The following PCDHGA6 variants were observed in gnomAD, a reference collection of about 807,000 sequenced individuals.
PCDHGA6 encodes protocadherin gamma-A6.
PCDHGA6 carries 41 observed loss-of-function variants against 60.6 expected under a neutral mutation model. That is an observed-to-expected ratio of 0.68 (90% confidence interval 0.53 to 0.88). The LOEUF (loss-of-function observed/expected upper bound fraction) is 0.88, where lower values mean the gene tolerates loss of function less well. Among genes scored for constraint, PCDHGA6 ranks in the 40% least tolerant of loss-of-function variants. The probability of loss-of-function intolerance (pLI) is 0.00; values close to 1 mark genes in which losing one functional copy is unlikely to be tolerated. For missense variants in PCDHGA6, 1,312 were observed against 1,203.0 expected, an observed-to-expected ratio of 1.09 and a Z score of -1.34; for synonymous variants, 594 against 524.4, an observed-to-expected ratio of 1.13 and a Z score of -1.81.
intron 2 of PCDHGA6, among the ~76,000 whole-genome samples, chr5:141,499,575 T>TCCCTA (rs2099792820): frequency 1.3e-5 from 2 of 152,202 alleles, no homozygotes; most frequent in Non-Finnish European, 2.9e-5. Context: ...CTTCAACTAA[T>TCCCTA]GCCTTATCTT....
At position 141,432,307 on chromosome 5, in the gene PCDHGA6, G is replaced by A. The variant is rs2097484688; in HGVS notation, c.2424+55800G>A. On this transcript the variant is annotated intron_variant, in intron 1 of 3. Transcript: ENST00000517434. The surrounding 1 kb of genome is among the most constrained non-coding windows in gnomAD (Gnocchi z 6.0). ...ACTCCGACACTGGGGTACTGTATGC[G>A]CTGAGCTCCTTCGACTACGAGCAGT... The A allele has an allele frequency of 5.0e-6, 8 of 1,614,240 alleles. No individual in the cohort carries two copies. Among genetic ancestry groups the A allele is most frequent in the South Asian group, 1.1e-5 (1 of 91,086 alleles).
At chr5:141,508,859 G>C (rs1268915304) in intron 3 of PCDHGA6, among the ~76,000 whole-genome samples, 1 of 152,086 alleles carries the variant, frequency 6.6e-6, no homozygotes, top group Non-Finnish European at 1.5e-5. Flanking sequence ...CCCAGGCTGG[G>C]AAAGGCTGAA....
In PCDHGA6 at chr5:141,489,456, G is replaced by A. The variant is rs1468723020; in HGVS notation, c.2425-5351G>A. The A allele has an allele frequency of 1.2e-6, 2 of 1,614,050 alleles. No homozygotes were observed. Among genetic ancestry groups the A allele is most frequent in the Non-Finnish European group, 1.7e-6 (2 of 1,180,016 alleles). ...TGCAATTGGGCTCTGAGGAGAATGG[G>A]CGCTATTTTTCCCTGAGCTTGATGA... On this transcript the variant is annotated intron_variant, in intron 1 of 3. Transcript: ENST00000517434. This position sits in a 1 kb window ranked among gnomAD's most constrained non-coding sequence, Gnocchi z 4.5.
chr5:141,478,822 T>A, intron 1 of PCDHGA6: 2 of 1,444,070 alleles, frequency 1.4e-6, no homozygotes, highest in South Asian at 1.5e-5. Context: ...AACTAACCAA[T>A]CTTGCTAAGG....
At chr5:141,414,231 C>T (rs2095722548) in intron 1 of PCDHGA6, 1 of 1,613,304 alleles carries the variant, frequency 6.2e-7, no homozygotes, top group South Asian at 1.1e-5. Flanking sequence ...CAGAGCTGAC[C>T]ATCACGTCTC....
At position 141,375,466 on chromosome 5, in the gene PCDHGA6, C is replaced by G. The variant is rs569300391; in HGVS notation, c.1383C>G (p.Val461=). The change falls in exon 1 of 4, where the codon GTC becomes GTG. Residue 461 remains valine, a synonymous_variant. Coordinates refer to ENST00000517434, the MANE Select transcript of PCDHGA6 (RefSeq NM_018919.3). ...CCCATTCATCCTACTCAGTCTATGT[C>G]CTTGAAAACAACCCCAGGGGTGCCT... ...TFPHSSYSVY[V]LENNPRGASI... The G allele has an allele frequency of 2.5e-6, 4 of 1,614,016 alleles. No individual in the cohort carries two copies. In the African/African-American group the frequency reaches 4.0e-5, roughly 16 times the overall value.
chr5:141,489,610 C>G lies in PCDHGA6; in HGVS notation c.2425-5197C>G, dbSNP rs142775705. 3,083 of 1,614,088 alleles carry G rather than the reference C, an allele frequency of 1.9e-3. 6 individuals are homozygous for G. Among genetic ancestry groups the G allele is most frequent in the Non-Finnish European group, 2.4e-3 (2,793 of 1,179,988 alleles). ...GCTAATCCGTGTAGAGGTAGAGATC[C>G]TGGATCTCAATGACAACTCTCCTAG... On this transcript the variant is annotated intron_variant, in intron 1 of 3. Transcript: ENST00000517434. The surrounding 1 kb of genome is among the most constrained non-coding windows in gnomAD (Gnocchi z 4.5).
chr5:141,431,799 T>A lies in PCDHGA6; in HGVS notation c.2424+55292T>A. 6.2e-7 allele frequency: 1 copy of A among 1,614,228 alleles called. No homozygotes were observed. The highest frequency in any genetic ancestry group is 8.5e-7 in the Non-Finnish European group (1 of 1,180,036). On this transcript the variant is annotated intron_variant, in intron 1 of 3. Transcript: ENST00000517434. This position sits in a 1 kb window ranked among gnomAD's most constrained non-coding sequence, Gnocchi z 4.8. ...GACGTGAACGACAATGCCCCAGAAG[T>A]GGTCCTCACCTCTCTCGCCAGCTCG...
At chr5:141,419,878 G>A in intron 1 of PCDHGA6, 2 of 1,614,060 alleles carry the variant, frequency 1.2e-6, no homozygotes, top group Non-Finnish European at 1.7e-6. Context: ...AGGTACTGCC[G>A]GATTTCAGCG....
chr5:141,403,766 G>A (rs1371539458), intron 1 of PCDHGA6: 2 of 1,613,864 alleles, frequency 1.2e-6, no homozygotes, highest in East Asian at 2.2e-5. Context: ...CCTGGATGAG[G>A]GAATCAACGG....
At chr5:141,383,174 G>A in intron 1 of PCDHGA6, 6 of 1,614,084 alleles carry the variant, frequency 3.7e-6, no homozygotes, top group South Asian at 2.2e-5. Flanking sequence ...AGGATAGACC[G>A]GGAAGAGATC....
At chr5:141,424,746 T>TTA (rs1392854638) in intron 1 of PCDHGA6, 1 of 152,214 alleles carries the variant, frequency 6.6e-6, no homozygotes, top group Non-Finnish European at 1.5e-5. Flanking sequence ...CTTTCTTTCT[T>TTA]TATAAGGTCA....
Position 141,476,642 on chromosome 5 carries a change from C to G in PCDHGA6, c.2425-18165C>G. 6.2e-7 allele frequency: 1 copy of G among 1,614,240 alleles called. No homozygotes were observed. The highest frequency in any genetic ancestry group is 8.5e-7 in the Non-Finnish European group (1 of 1,180,050). ...CTCTTTACAAACCTATGAGCTGAGC[C>G]GAAATGAATACTTTGCGCTTCGCGT... On this transcript the variant is annotated intron_variant, in intron 1 of 3. Transcript: ENST00000517434. This position sits in a 1 kb window ranked among gnomAD's most constrained non-coding sequence, Gnocchi z 7.6.
intron 2 of PCDHGA6, among the ~76,000 whole-genome samples, chr5:141,495,645 C>T (rs2099762719): frequency 6.6e-6 from 1 of 152,208 alleles, no homozygotes; most frequent in South Asian, 2.1e-4. Context: ...CATTTGTCTA[C>T]TTGCATTGAT....
chr5:141,438,685 G>A (rs2098051190), intron 1 of PCDHGA6, among the ~76,000 whole-genome samples: 1 of 143,314 alleles, frequency 7.0e-6, no homozygotes, highest in Non-Finnish European at 1.5e-5. Context: ...GTAGGGGATG[G>A]AGTCTTGCTC....
intron 2 of PCDHGA6, among the ~76,000 whole-genome samples, chr5:141,500,212 ATT>A (rs1336187706): frequency 5.4e-5 from 8 of 148,798 alleles, no homozygotes; most frequent in African/African-American, 2.0e-4. Context: ...TTATTTATTT[ATT>A]TATTTATTTA....
chr5:141,432,138 A>C lies in PCDHGA6; in HGVS notation c.2424+55631A>C, dbSNP rs2097456794. On this transcript the variant is annotated intron_variant, in intron 1 of 3. Coordinates refer to ENST00000517434, the MANE Select transcript of PCDHGA6 (RefSeq NM_018919.3). The surrounding 1 kb of genome is among the most constrained non-coding windows in gnomAD (Gnocchi z 6.0). ...TTCCCTCAGGCCTCCTATTCCGCTT[A>C]TATCCCAGAGAACAATCCCAGAGGA... 1 of 1,613,954 alleles carries C rather than the reference A, an allele frequency of 6.2e-7. No individual in the cohort carries two copies. Among genetic ancestry groups the C allele is most frequent in the African/African-American group, 1.3e-5 (1 of 74,882 alleles).
intron 1 of PCDHGA6, chr5:141,421,581 C>T (rs2096585155): frequency 2.5e-6 from 4 of 1,613,712 alleles, no homozygotes; most frequent in Admixed American, 1.7e-5. Flanking sequence ...TGAAGATTTA[C>T]GGAGTGGAGG....
Position 141,489,533 on chromosome 5 carries a change from C to G in PCDHGA6, c.2425-5274C>G, listed in dbSNP as rs754586925. The G allele has an allele frequency of 6.2e-7, 1 of 1,614,086 alleles. No individual in the cohort carries two copies. The highest frequency in any genetic ancestry group is 1.7e-5 in the Admixed American group (1 of 60,030). ...ATTGACCGAGAAAGCCTATGTGGAG[C>G]CAGCACCAGCTGCCTGCTGCCAGTG... On this transcript the variant is annotated intron_variant, in intron 1 of 3. Coordinates refer to ENST00000517434, the MANE Select transcript of PCDHGA6 (RefSeq NM_018919.3). The surrounding 1 kb of genome is among the most constrained non-coding windows in gnomAD (Gnocchi z 4.5).
Sources: gnomAD v4.1 joint callset for allele counts (sites outside exome capture counted in the v4.1 genomes callset) on GRCh38, gnomAD v4.1.1 for gene constraint, Gnocchi (gnomAD v3.1) non-coding constraint, MANE v1.5 for transcripts, NCBI Gene and HGNC (gene_info 2026-07-23, HGNC 2026-07-21) for gene names.